FBXL17: variants seen among roughly 807,000 people sequenced by gnomAD.
FBXL17 encodes the protein F-box and leucine rich repeat protein 17, also known as F-box/LRR-repeat protein 17.
FBXL17 carries 22 observed loss-of-function variants against 66.2 expected under a neutral mutation model. The observed-to-expected ratio is 0.33, with a 90% CI of 0.24 to 0.47. The LOEUF is 0.47. Among genes scored for constraint, FBXL17 ranks in the 20% least tolerant of loss-of-function variants. The pLI is 1.00. For synonymous variants in FBXL17, 474 were observed against 400.5 expected, an observed-to-expected ratio of 1.18 and a Z score of -2.19; for missense variants, 878 against 948.2, an observed-to-expected ratio of 0.93 and a Z score of 0.97.
chr5:108,118,766 C>G (rs1171890142), intron 6 of FBXL17, among the ~76,000 whole-genome samples: 2 of 152,216 alleles, frequency 1.3e-5, no homozygotes, highest in African/African-American at 4.8e-5. Context: ...AGACCCCTCT[C>G]TCACTATCAC....
chr5:108,231,562 T>A (rs563109908), intron 4 of FBXL17, among the ~76,000 whole-genome samples: 4 of 152,172 alleles, frequency 2.6e-5, no homozygotes, highest in Non-Finnish European at 4.4e-5. Flanking sequence ...GTGCTTCCTG[T>A]TCCCGCAACA....
intron 7 of FBXL17, among the ~76,000 whole-genome samples, chr5:108,000,048 T>C (rs1753656220): frequency 6.6e-6 from 1 of 152,244 alleles, no homozygotes; most frequent in Admixed American, 6.5e-5. Flanking sequence ...TACTTCTAGA[T>C]GTATAATCTT....
intron 3 of FBXL17, among the ~76,000 whole-genome samples, chr5:108,354,261 T>C (rs925150186): frequency 2.0e-5 from 3 of 152,114 alleles, no homozygotes; most frequent in African/African-American, 4.8e-5. Flanking sequence ...AGCAGGAATG[T>C]TGGAATTACC....
chr5:108,001,539 C>T (rs1207993570), intron 7 of FBXL17, among the ~76,000 whole-genome samples: 3 of 151,682 alleles, frequency 2.0e-5, no homozygotes, highest in Admixed American at 1.3e-4. Flanking sequence ...CGCACTCCAT[C>T]GCCCAGGCTG....
intron 6 of FBXL17, among the ~76,000 whole-genome samples, chr5:108,034,531 T>A (rs1256099774): frequency 4.6e-5 from 7 of 151,522 alleles, no homozygotes; most frequent in Admixed American, 1.3e-4. Context: ...AAGGAATTTC[T>A]TTTTTTTTAC....
rs544384122 is a variant in FBXL17 at position 108,119,597 on chromosome 5, T to C, written c.1745+66520A>G. ...ATATAGGCCTTAAGCACCAATGAAATTGCAGCATTCATATTTTTGTCAGAA... is the reference window on the plus strand; with the variant it reads ...ATATAGGCCTTAAGCACCAATGAAACTGCAGCATTCATATTTTTGTCAGAA... On this transcript the variant is annotated intron_variant, in intron 6 of 8. Coordinates refer to ENST00000542267, the MANE Select transcript of FBXL17 (RefSeq NM_001163315.3). Among the ~76,000 whole-genome samples, 11 of 152,260 alleles carry C rather than the reference T, an allele frequency of 7.2e-5. No homozygotes were observed. In the South Asian group the frequency reaches 1.9e-3, roughly 26 times the overall value.
At chr5:107,880,799 C>T in intron 8 of FBXL17, 1 of 1,350,504 alleles carries the variant, frequency 7.4e-7, no homozygotes, top group Non-Finnish European at 9.5e-7. Flanking sequence ...TATATGATTA[C>T]TTTTTCTTTC....
chr5:108,028,603 G>A (rs1754916009), intron 6 of FBXL17, among the ~76,000 whole-genome samples: 1 of 152,040 alleles, frequency 6.6e-6, no homozygotes, highest in South Asian at 2.1e-4. Context: ...CTGTGCTCTG[G>A]GAGTTGGCCT....
At chr5:108,339,383 C>G (rs1202662797) in intron 4 of FBXL17, among the ~76,000 whole-genome samples, 6 of 152,216 alleles carry the variant, frequency 3.9e-5, no homozygotes, top group Middle Eastern at 3.4e-3. Flanking sequence ...TGCCATCTAA[C>G]CTTATAAAAT....
intron 4 of FBXL17, among the ~76,000 whole-genome samples, chr5:108,328,703 CT>C (rs144022200): frequency 0.13 from 19,311 of 151,734 alleles, 1,409 homozygotes; most frequent in Admixed American, 0.16. Flanking sequence ...ATAATATGCA[CT>C]TTTTTTTATG....
chr5:108,117,179 T>C (rs185832912), intron 6 of FBXL17, among the ~76,000 whole-genome samples: 2 of 152,330 alleles, frequency 1.3e-5, no homozygotes, highest in Admixed American at 1.3e-4. Flanking sequence ...GACTAATGCA[T>C]ACATTTGGCT....
At chr5:108,191,351 G>A (rs1753463383) in intron 5 of FBXL17, among the ~76,000 whole-genome samples, 1 of 152,172 alleles carries the variant, frequency 6.6e-6, no homozygotes, top group Admixed American at 6.5e-5. Flanking sequence ...CATCACAACA[G>A]TTTAAATGTA....
chr5:108,275,643 A>G (rs1187787095), intron 4 of FBXL17, among the ~76,000 whole-genome samples: 1 of 152,210 alleles, frequency 6.6e-6, no homozygotes, highest in Admixed American at 6.5e-5. Context: ...ATAGAAATAT[A>G]TCTTCCCAAC....
At chr5:108,314,338 A>G (rs1759256537) in intron 4 of FBXL17, among the ~76,000 whole-genome samples, 2 of 151,892 alleles carry the variant, frequency 1.3e-5, no homozygotes, top group Admixed American at 6.6e-5. Flanking sequence ...GCATAATCAA[A>G]AAGTCTTTAA....
intron 4 of FBXL17, among the ~76,000 whole-genome samples, chr5:108,271,637 A>T (rs1318144547): frequency 6.6e-6 from 1 of 152,376 alleles, no homozygotes; most frequent in East Asian, 1.9e-4. Flanking sequence ...CTGCCAACAG[A>T]TAATAAACTA....
chr5:108,186,612 T>C (rs1367923912), intron 5 of FBXL17, among the ~76,000 whole-genome samples: 1 of 151,606 alleles, frequency 6.6e-6, no homozygotes. Flanking sequence ...TCTACTAAAA[T>C]ACAAAAAATT....
chr5:108,074,308 AGATT>A (rs375444719), intron 6 of FBXL17, among the ~76,000 whole-genome samples: 6,471 of 124,082 alleles, frequency 0.052, 488 homozygotes, highest in African/African-American at 0.16. Context: ...AGATTTGAAA[AGATT>A]TTTTTTTTTT....
At chr5:107,942,813 A>T (rs1449157545) in intron 7 of FBXL17, among the ~76,000 whole-genome samples, 1 of 151,480 alleles carries the variant, frequency 6.6e-6, no homozygotes, top group Admixed American at 6.6e-5. Flanking sequence ...TTCTTCAACC[A>T]TACTTTACCT....
intron 6 of FBXL17, among the ~76,000 whole-genome samples, chr5:108,141,446 G>C (rs555750174): frequency 6.6e-6 from 1 of 152,164 alleles, no homozygotes; most frequent in Admixed American, 6.5e-5. Context: ...CTCTGAGCAG[G>C]GCAGAGGCCA....
Sources: allele counts gnomAD v4.1 joint callset (sites outside exome capture counted in the v4.1 genomes callset), GRCh38; gene constraint gnomAD v4.1.1; transcripts MANE v1.5; gene names NCBI Gene and HGNC (gene_info 2026-07-23, HGNC 2026-07-21).